The following ADCY1 variants were observed in gnomAD, a reference collection of about 807,000 sequenced individuals.
ADCY1 encodes adenylate cyclase 1, also known as adenylate cyclase type 1.
A neutral mutation model predicts 105.4 loss-of-function variants in ADCY1; 28 were observed. That is an observed-to-expected ratio of 0.27 (90% CI 0.20 to 0.36). The LOEUF (loss-of-function observed/expected upper bound fraction) is 0.36. ADCY1 is among the 10% of genes least tolerant of loss of function. The pLI is 1.00. For missense variants in ADCY1, 977 were observed against 1,434.2 expected, an observed-to-expected ratio of 0.68 and a Z score of 5.15; for synonymous variants, 655 against 623.8, an observed-to-expected ratio of 1.05 and a Z score of -0.75.
At chr7:45,712,005 T>A (rs1255210931) in intron 19 of ADCY1, among the ~76,000 whole-genome samples, 32 of 115,844 alleles carry the variant, frequency 2.8e-4, no homozygotes, top group South Asian at 1.6e-3. Flanking sequence ...TATATTATAT[T>A]AAATATATAT....
intron 8 of ADCY1, among the ~76,000 whole-genome samples, chr7:45,669,500 T>C (rs1584320200): frequency 1.3e-5 from 2 of 152,336 alleles, no homozygotes; most frequent in Middle Eastern, 3.4e-3. Flanking sequence ...AGAGACAGTT[T>C]GTTATAATTT....
At chr7:45,580,708 G>A (rs985507883) in intron 1 of ADCY1, among the ~76,000 whole-genome samples, 5 of 152,150 alleles carry the variant, frequency 3.3e-5, no homozygotes, top group African/African-American at 4.8e-5. Flanking sequence ...GGCGAGTCCC[G>A]CAAAGGCCCA....
intron 2 of ADCY1, among the ~76,000 whole-genome samples, chr7:45,610,109 A>C (rs1012960241): frequency 1.3e-5 from 2 of 152,136 alleles, no homozygotes; most frequent in Admixed American, 6.5e-5. Flanking sequence ...CACAGCTGTA[A>C]CCCTGCTGTA....
intron 4 of ADCY1, among the ~76,000 whole-genome samples, chr7:45,641,932 C>CAAAAAAAAAAAAAAAAAAAAAAAAAAAA: frequency 2.7e-5 from 1 of 36,402 alleles, no homozygotes; most frequent in Non-Finnish European, 5.1e-5. Context: ...GACTCCGTCT[C>CAAAAAAAAAAAAAAAAAAAAAAAAAAAA]AAAAAAAAAA....
At chr7:45,659,977 A>G (rs1795051245) in intron 6 of ADCY1, 65 bp from the exon 7 acceptor site, 1 of 1,595,832 alleles carries the variant, frequency 6.3e-7, no homozygotes, top group East Asian at 2.2e-5. Context: ...CCCTCTGGTA[A>G]GGCCCTGCAG....
At chr7:45,648,829 C>T (rs903651120) in intron 5 of ADCY1, 32 bp downstream of exon 5, 23 of 1,609,202 alleles carry the variant, frequency 1.4e-5, no homozygotes, top group Middle Eastern at 1.7e-4. Context: ...GAGGAGTGGC[C>T]TGGGGCATCT....
chr7:45,689,386 C>G (rs2116219801), intron 14 of ADCY1, among the ~76,000 whole-genome samples: 1 of 152,196 alleles, frequency 6.6e-6, no homozygotes, highest in African/African-American at 2.4e-5. Context: ...ACAGGCTGTA[C>G]CAACAGGCAC....
intron 14 of ADCY1, among the ~76,000 whole-genome samples, chr7:45,700,188 A>G (rs868850134): frequency 6.6e-6 from 1 of 152,144 alleles, no homozygotes; most frequent in Admixed American, 6.5e-5. Context: ...TACTCTGGAC[A>G]TGTGCACCCT....
At position 45,657,903 on chromosome 7, in the gene ADCY1, TGGGGAGGGGA is replaced by T; in HGVS notation, c.1307+22_1307+31del. The stretch of plus-strand genomic sequence containing the variant: ...CTGCCAGGGTAAGTCGGGGATGGGG[TGGGGAGGGGA>T]GGGAGGTGGGTGATGGCTGTGCACC... On this transcript the variant is annotated intron_variant, in intron 6 of 19. Coordinates refer to ENST00000297323, the MANE Select transcript of ADCY1 (RefSeq NM_021116.4). The T allele has an allele frequency of 4.5e-5, 11 of 242,712 alleles. No individual in the cohort carries two copies. Among genetic ancestry groups the T allele is most frequent in the Non-Finnish European group, 8.0e-5 (10 of 124,834 alleles). 15.0% of individuals were successfully genotyped at this position (242,712 alleles called of 1,614,324 possible). A position where few individuals can be genotyped will look rare whatever the true frequency, so the allele number is the denominator to read the frequency against.
chr7:45,597,304 G>A (rs558580557), intron 2 of ADCY1, among the ~76,000 whole-genome samples: 5 of 152,194 alleles, frequency 3.3e-5, no homozygotes, highest in African/African-American at 4.8e-5. Context: ...GGAGGCCACC[G>A]GCTTTCACGC....
chr7:45,608,225 G>T (rs953408311), intron 2 of ADCY1, among the ~76,000 whole-genome samples: 4 of 152,132 alleles, frequency 2.6e-5, no homozygotes, highest in South Asian at 2.1e-4. Context: ...TTTCATGTTT[G>T]TTGGCTCCTT....
intron 3 of ADCY1, 87 bp from the exon 4 acceptor site, chr7:45,622,545 T>G: frequency 2.2e-6 from 2 of 929,122 alleles, no homozygotes; most frequent in Non-Finnish European, 3.5e-6. Flanking sequence ...TCTACAGTGA[T>G]TTGGAGATGT....
chr7:45,601,764 C>A (rs534830885), intron 2 of ADCY1, among the ~76,000 whole-genome samples: 1 of 152,064 alleles, frequency 6.6e-6, no homozygotes, highest in East Asian at 1.9e-4. Context: ...CTAGTGAACT[C>A]GGGATGAGAG....
chr7:45,712,024 TTATAC>T (rs200649481), intron 19 of ADCY1, among the ~76,000 whole-genome samples: 22,846 of 119,588 alleles, frequency 0.19, 2,671 homozygotes, highest in African/African-American at 0.32. Flanking sequence ...ATTTTATATA[TTATAC>T]TAAATATATA....
At chr7:45,590,006 G>A (rs932074723) in intron 1 of ADCY1, among the ~76,000 whole-genome samples, 6 of 152,156 alleles carry the variant, frequency 3.9e-5, no homozygotes, top group African/African-American at 1.4e-4. Context: ...GCAAGCTAAC[G>A]AAAAGAGAGG....
At chr7:45,596,377 C>A (rs1793073695) in intron 2 of ADCY1, among the ~76,000 whole-genome samples, 1 of 151,414 alleles carries the variant, frequency 6.6e-6, no homozygotes, top group Non-Finnish European at 1.5e-5. Context: ...TGACCTGATT[C>A]TGTGGGGGGA....
At chr7:45,658,073 G>A (rs955905549) in intron 6 of ADCY1, among the ~76,000 whole-genome samples, 188 bp downstream of exon 6, 1 of 152,210 alleles carries the variant, frequency 6.6e-6, no homozygotes, top group African/African-American at 2.4e-5. Flanking sequence ...ACCCAGCCTG[G>A]CTGCCAGTCT....
At position 45,653,747 on chromosome 7, in the gene ADCY1, C is replaced by G. The variant is rs1234285793; in HGVS notation, c.1149-3980C>G. On this transcript the variant is annotated intron_variant, in intron 5 of 19. Transcript: ENST00000297323. Reference sequence around the variant, plus strand: ...CTCACCCACCTTCTTCTGCTCATACCCCTCTCCTCTGACACGCACCACCAG... The same window carrying G: ...CTCACCCACCTTCTTCTGCTCATACGCCTCTCCTCTGACACGCACCACCAG... Among the ~76,000 whole-genome samples the G allele has an allele frequency of 2.6e-5, 4 of 152,166 alleles. No individual in the cohort carries two copies. In the South Asian group the frequency reaches 6.2e-4, roughly 24 times the overall value.
chr7:45,721,241 G>A lies in ADCY1; in HGVS notation c.*7246G>A, dbSNP rs1785465782. The A allele has an allele frequency of 6.6e-6, 1 of 152,610 alleles. No homozygotes were observed. Among genetic ancestry groups the A allele is most frequent in the Non-Finnish European group, 1.5e-5 (1 of 68,376 alleles). The allele number at this position is 152,610 out of a possible 1,614,324, so 9.5% of individuals were successfully genotyped here. On this transcript the variant is annotated 3_prime_UTR_variant, in exon 20 of 20. Coordinates refer to ENST00000297323, the MANE Select transcript of ADCY1 (RefSeq NM_021116.4). The stretch of plus-strand genomic sequence containing the variant: ...CCTAAGTCCTCCCTGGCACTGGCAG[G>A]CCTTACCTCACATTGCTAAATTAAA...
Sources: allele counts gnomAD v4.1 joint callset (sites outside exome capture counted in the v4.1 genomes callset), GRCh38; gene constraint gnomAD v4.1.1; transcripts MANE v1.5; gene names NCBI Gene and HGNC (gene_info 2026-07-23, HGNC 2026-07-21).